Variants in TRAPPC12 observed in about 807,000 individuals in gnomAD.
TRAPPC12 encodes the protein TPR repeat protein 15.
TRAPPC12 carries 61 observed loss-of-function variants against 69.2 expected under a neutral mutation model. That is an observed-to-expected ratio of 0.88 (90% CI 0.72 to 1.09). TRAPPC12 has a LOEUF of 1.09. Among genes scored for constraint, TRAPPC12 ranks in the 50% least tolerant of loss-of-function variants. The pLI, the probability that TRAPPC12 is intolerant of heterozygous loss-of-function variation, is 0.00. For synonymous variants in TRAPPC12, 469 were observed against 438.9 expected (o/e 1.07, Z -0.86); for missense variants, 1,101 against 1,016.4 (o/e 1.08, Z -1.13).
intron 6 of TRAPPC12, among the ~76,000 whole-genome samples, chr2:3,444,842 CTTCCATTT>C (rs1008606498): frequency 1.3e-4 from 20 of 152,176 alleles, no homozygotes; most frequent in Admixed American, 1.2e-3. Flanking sequence ...TTTGTACCCA[CTTCCATTT>C]TTTTATTACC....
At chr2:3,399,184 C>G (rs576538841) in intron 2 of TRAPPC12, among the ~76,000 whole-genome samples, 7 of 152,338 alleles carry the variant, frequency 4.6e-5, no homozygotes, top group Admixed American at 4.6e-4. Context: ...TATTAACTAA[C>G]AGAGAATTTT....
At chr2:3,455,513 C>G (rs557109735) in intron 6 of TRAPPC12, 1 of 152,128 alleles carries the variant, frequency 6.6e-6, no homozygotes, top group Non-Finnish European at 1.5e-5. Context: ...ACTACTGTTC[C>G]CAGCCTCTGG....
intron 2 of TRAPPC12, among the ~76,000 whole-genome samples, chr2:3,395,883 C>T (rs550310128): frequency 2.0e-5 from 3 of 152,290 alleles, no homozygotes; most frequent in Non-Finnish European, 2.9e-5. Context: ...GCATGTGCCA[C>T]GACACCCAGC....
chr2:3,391,767 C>G (rs953524167), intron 2 of TRAPPC12, among the ~76,000 whole-genome samples: 1 of 152,072 alleles, frequency 6.6e-6, no homozygotes, highest in African/African-American at 2.4e-5. Flanking sequence ...CTCCCACTCC[C>G]TGGTCTTGTC....
At chr2:3,409,750 TAAAAAAAAAAAAAAAA>T (rs71396989) in intron 3 of TRAPPC12, among the ~76,000 whole-genome samples, 716 of 54,926 alleles carry the variant, frequency 0.013, 19 homozygotes, top group African/African-American at 0.042. Context: ...ACTTTGTCTT[TAAAAAAAAAAAAAAAA>T]AAAAAAAAAA....
rs180749836 is a variant in TRAPPC12 at position 3,401,032 on chromosome 2, C to T, written c.1048-745C>T. 1.5e-3 allele frequency among the ~76,000 whole-genome samples: 223 copies of T among 152,334 alleles called. 1 individual carries two copies. The highest frequency in any genetic ancestry group is 5.1e-3 in the African/African-American group (213 of 41,580). On this transcript the variant is annotated intron_variant, in intron 2 of 11. Coordinates refer to ENST00000324266, the MANE Select transcript of TRAPPC12 (RefSeq NM_016030.6). ...GTGTTCTTCAGCACCGTCTAAAGAT[C>T]GTTCTAATCAGAGGAGTCAGGTCAG...
At position 3,463,302 on chromosome 2, in the gene TRAPPC12, A is replaced by G. The variant is rs150211629; in HGVS notation, c.1678-2295A>G. On this transcript the variant is annotated intron_variant, in intron 8 of 11. Coordinates refer to ENST00000324266, the MANE Select transcript of TRAPPC12 (RefSeq NM_016030.6). ...GAAGTGCCCCAGAATTCTTCCCCCA[A>G]CTGCAGCCCGGACACACAGACACGT... Among the ~76,000 whole-genome samples, 10 of 151,882 alleles carry G rather than the reference A, an allele frequency of 6.6e-5. 1 individual carries two copies. The highest frequency in any genetic ancestry group is 3.3e-4 in the Admixed American group (5 of 15,258).
intron 5 of TRAPPC12, among the ~76,000 whole-genome samples, chr2:3,440,672 A>G (rs1247674224): frequency 6.6e-6 from 1 of 152,184 alleles, no homozygotes; most frequent in Non-Finnish European, 1.5e-5. Flanking sequence ...TTGTCATTGC[A>G]TTAGCTCGAA....
chr2:3,404,778 AC>A (rs1042472500), intron 3 of TRAPPC12, among the ~76,000 whole-genome samples: 1 of 150,840 alleles, frequency 6.6e-6, no homozygotes. Flanking sequence ...AGATAAGAGA[AC>A]CCCCAGTCGG....
intron 4 of TRAPPC12, among the ~76,000 whole-genome samples, chr2:3,422,462 C>A (rs930538967): frequency 6.6e-6 from 1 of 152,216 alleles, no homozygotes; most frequent in African/African-American, 2.4e-5. Context: ...ACAAAATAGA[C>A]TTGTGAACAA....
chr2:3,463,265 G>A (rs372673849), intron 8 of TRAPPC12, among the ~76,000 whole-genome samples: 1 of 151,978 alleles, frequency 6.6e-6, no homozygotes, highest in East Asian at 1.9e-4. Flanking sequence ...CTGTATTGAC[G>A]ATGGGCCCCC....
At chr2:3,451,700 T>G (rs931261276) in intron 6 of TRAPPC12, among the ~76,000 whole-genome samples, 1 of 152,094 alleles carries the variant, frequency 6.6e-6, no homozygotes, top group Admixed American at 6.5e-5. Flanking sequence ...ATTTTTAAAC[T>G]TTTTGTAGAG....
Position 3,424,599 on chromosome 2 carries a change from C to T in TRAPPC12, c.1353C>T (p.Phe451=), listed in dbSNP as rs151053461. 60 of 1,613,890 alleles carry T rather than the reference C, an allele frequency of 3.7e-5. No homozygotes were observed. Among genetic ancestry groups the T allele is most frequent in the Non-Finnish European group, 4.2e-5 (50 of 1,179,992 alleles). ...FQNAEMEFEP[F]GNLDQPDLYY... Reference sequence around the variant, plus strand: ...ATGCTGAGATGGAATTTGAACCCTTCGGAAATCTTGATCAGCCAGATCTTT... The same window carrying T: ...ATGCTGAGATGGAATTTGAACCCTTTGGAAATCTTGATCAGCCAGATCTTT... Residue 451 remains phenylalanine, a synonymous_variant, in exon 5 of 12, where the codon TTC becomes TTT. Coordinates refer to ENST00000324266, the MANE Select transcript of TRAPPC12 (RefSeq NM_016030.6).
At chr2:3,395,231 C>T (rs1572092036) in intron 2 of TRAPPC12, among the ~76,000 whole-genome samples, 1 of 152,292 alleles carries the variant, frequency 6.6e-6, no homozygotes, top group East Asian at 1.9e-4. Context: ...GTTATATAGA[C>T]TACTTGATAC....
chr2:3,413,631 G>GT (rs1212150936), intron 3 of TRAPPC12, among the ~76,000 whole-genome samples: 1 of 152,084 alleles, frequency 6.6e-6, no homozygotes, highest in Admixed American at 6.6e-5. Flanking sequence ...GACACTGTAT[G>GT]TTTTTTTAAA....
chr2:3,466,302 C>A (rs962829609), intron 9 of TRAPPC12: 1 of 471,216 alleles, frequency 2.1e-6, no homozygotes, highest in Admixed American at 2.3e-5. Flanking sequence ...TCTTAGGTCA[C>A]GTCCCAAACC....
intron 2 of TRAPPC12, among the ~76,000 whole-genome samples, chr2:3,391,743 A>C (rs1660832735): frequency 6.6e-6 from 1 of 151,954 alleles, no homozygotes; most frequent in Non-Finnish European, 1.5e-5. Context: ...TTTGTCACTG[A>C]ATTCTTACCT....
intron 5 of TRAPPC12, among the ~76,000 whole-genome samples, chr2:3,429,722 C>T (rs1323630540): frequency 6.6e-6 from 1 of 152,134 alleles, no homozygotes. Context: ...AAGCTATTTA[C>T]TTTTGTTCTA....
chr2:3,391,701 CA>C (rs751333154), intron 2 of TRAPPC12, among the ~76,000 whole-genome samples: 10 of 152,164 alleles, frequency 6.6e-5, no homozygotes, highest in Non-Finnish European at 1.2e-4. Flanking sequence ...ACTCTGATGT[CA>C]GGGGTATTTG....
Sources: allele counts gnomAD v4.1 joint callset (sites outside exome capture counted in the v4.1 genomes callset), GRCh38; gene constraint gnomAD v4.1.1; transcripts MANE v1.5; gene names NCBI Gene and HGNC (gene_info 2026-07-23, HGNC 2026-07-21).